The following ARID4B variants were observed in gnomAD, a reference collection of about 807,000 sequenced individuals.
ARID4B encodes AT-rich interaction domain 4B.
ARID4B carries 26 observed loss-of-function variants against 147.5 expected under a neutral mutation model. The observed-to-expected ratio is 0.18, with a 90% confidence interval of 0.13 to 0.24. ARID4B has a LOEUF of 0.24. Among genes scored for constraint, ARID4B ranks in the 10% least tolerant of loss-of-function variants. ARID4B has a pLI of 1.00. For synonymous variants in ARID4B, 512 were observed against 507.9 expected, an observed-to-expected ratio of 1.01 and a Z score of -0.11; for missense variants, 1,179 against 1,511.5, an observed-to-expected ratio of 0.78 and a Z score of 3.65.
chr1:235,240,006 T>G (rs2103070879), intron 8 of ARID4B, among the ~76,000 whole-genome samples: 1 of 152,302 alleles, frequency 6.6e-6, no homozygotes, highest in African/African-American at 2.4e-5. Flanking sequence ...TCTGTTGTTC[T>G]TTTGCAATCT....
At chr1:235,189,976 A>C (rs1158656639) in intron 19 of ARID4B, 1 of 154,380 alleles carries the variant, frequency 6.5e-6, no homozygotes, top group African/African-American at 2.4e-5. Flanking sequence ...TAGAACAGAA[A>C]GACAGAAGTT....
intron 2 of ARID4B, among the ~76,000 whole-genome samples, chr1:235,267,835 C>CA (rs1670711135): frequency 6.6e-6 from 1 of 151,616 alleles, no homozygotes; most frequent in East Asian, 1.9e-4. Flanking sequence ...ACCTGGGAGG[C>CA]GGAGCTTGCA....
intron 6 of ARID4B, among the ~76,000 whole-genome samples, chr1:235,246,741 C>G (rs924482389): frequency 1.3e-4 from 20 of 152,130 alleles, no homozygotes; most frequent in Admixed American, 1.2e-3. Context: ...TTTGGCTGCT[C>G]TCTCTAGATG....
chr1:235,209,617 G>A (rs957738718), intron 17 of ARID4B, among the ~76,000 whole-genome samples: 1 of 147,796 alleles, frequency 6.8e-6, no homozygotes, highest in Admixed American at 6.8e-5. Flanking sequence ...AGGCTGGAGT[G>A]CAATGGTGTG....
chr1:235,240,099 T>C (rs1668889606), intron 8 of ARID4B, among the ~76,000 whole-genome samples: 1 of 152,152 alleles, frequency 6.6e-6, no homozygotes, highest in Non-Finnish European at 1.5e-5. Flanking sequence ...TCCACATAGC[T>C]AAACCTCTAA....
intron 2 of ARID4B, among the ~76,000 whole-genome samples, chr1:235,307,766 TC>T (rs1028340272): frequency 1.3e-5 from 2 of 152,240 alleles, no homozygotes; most frequent in Admixed American, 6.5e-5. Flanking sequence ...TTCATTTTTC[TC>T]CTACTTTAAA....
At chr1:235,272,281 T>A (rs1183270588) in intron 2 of ARID4B, among the ~76,000 whole-genome samples, 1 of 152,162 alleles carries the variant, frequency 6.6e-6, no homozygotes, top group Non-Finnish European at 1.5e-5. Context: ...AAGTGACCAT[T>A]TTATACCATA....
intron 2 of ARID4B, among the ~76,000 whole-genome samples, chr1:235,296,791 GAGGAAGGA>G (rs761841322): frequency 1.8e-5 from 1 of 57,070 alleles, no homozygotes; most frequent in Admixed American, 1.9e-4. Context: ...AAAAAAAAAG[GAGGAAGGA>G]AGGAAGGAAG....
At position 235,260,708 on chromosome 1, in the gene ARID4B, A is replaced by G; in HGVS notation, c.51T>C (p.Ser17=). The change falls in exon 3 of 24, where the codon AGT becomes AGC. Residue 17 remains serine, a synonymous_variant. Coordinates refer to ENST00000264183, the MANE Select transcript of ARID4B (RefSeq NM_016374.6). ...PPYLTVGTDV[S]AKYRGAFCEA... is the part of the protein sequence containing the mutation. ...CACAAAAGGCTCCTCTGTATTTAGCACTCACATCAGTGCCCACTGTCAAAT... is the reference window on the plus strand; with the variant it reads ...CACAAAAGGCTCCTCTGTATTTAGCGCTCACATCAGTGCCCACTGTCAAAT... 3 of 1,611,880 alleles carry G rather than the reference A, an allele frequency of 1.9e-6. No individual in the cohort carries two copies. Among genetic ancestry groups the G allele is most frequent in the Non-Finnish European group, 2.5e-6 (3 of 1,179,484 alleles).
In ARID4B at chr1:235,167,930, C is replaced by A. The variant is rs769735310; in HGVS notation, c.*595G>T. On this transcript the variant is annotated 3_prime_UTR_variant, in exon 24 of 24. Coordinates refer to ENST00000264183, the MANE Select transcript of ARID4B (RefSeq NM_016374.6). ...GCAAGACCTTTTAGCCTAATTCAAA[C>A]CTGTAAACATGTTCAGTCTTTTTTA... 6.3e-4 allele frequency: 124 copies of A among 196,834 alleles called. No individual in the cohort carries two copies. The highest frequency in any genetic ancestry group is 1.2e-3 in the Non-Finnish European group (115 of 94,608). 12.2% of individuals were successfully genotyped at this position (196,834 alleles called of 1,614,324 possible).
At chr1:235,276,292 C>T (rs1029104677) in intron 2 of ARID4B, among the ~76,000 whole-genome samples, 1 of 150,954 alleles carries the variant, frequency 6.6e-6, no homozygotes, top group Non-Finnish European at 1.5e-5. Context: ...TAATTAGTAG[C>T]ATTAGCAAAC....
intron 19 of ARID4B, among the ~76,000 whole-genome samples, chr1:235,188,954 A>G (rs1664880030): frequency 6.6e-6 from 1 of 152,184 alleles, no homozygotes; most frequent in Non-Finnish European, 1.5e-5. Context: ...GAAAAAAGCA[A>G]ATTAGAGGTA....
intron 17 of ARID4B, among the ~76,000 whole-genome samples, chr1:235,199,461 C>G (rs549787253): frequency 1.3e-5 from 2 of 152,210 alleles, no homozygotes; most frequent in Admixed American, 6.5e-5. Flanking sequence ...TAGAGCATAT[C>G]TTAAAAATTT....
chr1:235,220,769 T>C (rs1667410456), intron 14 of ARID4B, among the ~76,000 whole-genome samples: 2 of 152,236 alleles, frequency 1.3e-5, no homozygotes, highest in South Asian at 4.1e-4. Context: ...ATAACAGCTA[T>C]TAAAAGTATT....
chr1:235,224,699 T>C lies in ARID4B; in HGVS notation c.970+4A>G. 1 of 1,563,648 alleles carries C rather than the reference T, an allele frequency of 6.4e-7. No homozygotes were observed. The highest frequency in any genetic ancestry group is 8.8e-7 in the Non-Finnish European group (1 of 1,139,306). On this transcript the variant is annotated splice_donor_region_variant and intron_variant, in intron 12 of 23. Coordinates refer to ENST00000264183, the MANE Select transcript of ARID4B (RefSeq NM_016374.6). ...CACGTTAATGATAAATAAAAAATAC[T>C]CACCTCTATCTTCCATAAATTTGTA...
chr1:235,172,583 A>G, intron 23 of ARID4B, 35 bp downstream of exon 23: 1 of 1,391,312 alleles, frequency 7.2e-7, no homozygotes, highest in Non-Finnish European at 9.5e-7. Flanking sequence ...GTCTCAAAAT[A>G]AATAAATAAA....
intron 20 of ARID4B, 73 bp downstream of exon 20, chr1:235,181,512 G>A (rs2102922426): frequency 6.6e-7 from 1 of 1,520,420 alleles, no homozygotes; most frequent in East Asian, 2.3e-5. Context: ...TATAACAAGA[G>A]ATACTGTGAA....
chr1:235,326,929 G>GCAGA lies in ARID4B; in HGVS notation c.-11_-10insTCTG. On this transcript the variant is annotated 5_prime_UTR_variant, in exon 2 of 24. Transcript: ENST00000264183. ...GCAATCTTACCTTCATGATGACTCT[G>GCAGA]GGACCAAGGTATCCTCTAAAACACC... The GCAGA allele has an allele frequency of 6.2e-7, 1 of 1,613,936 alleles. No homozygotes were observed. The highest frequency in any genetic ancestry group is 1.7e-4 in the Middle Eastern group (1 of 6,058).
intron 2 of ARID4B, among the ~76,000 whole-genome samples, chr1:235,263,163 A>G (rs1455983292): frequency 6.6e-6 from 1 of 152,220 alleles, no homozygotes; most frequent in African/African-American, 2.4e-5. Flanking sequence ...TTTTATTTTC[A>G]GAGACAAACA....
Sources: allele counts gnomAD v4.1 joint callset (sites outside exome capture counted in the v4.1 genomes callset), GRCh38; gene constraint gnomAD v4.1.1; transcripts MANE v1.5; gene names NCBI Gene and HGNC (gene_info 2026-07-23, HGNC 2026-07-21).